Variants in RIPPLY3 observed in about 807,000 individuals in gnomAD.
RIPPLY3 encodes ripply transcriptional repressor 3, also known as protein ripply3.
In RIPPLY3, 8 loss-of-function variants were observed where a neutral mutation model predicts 11.9. The observed-to-expected ratio is 0.67, with a 90% confidence interval of 0.40 to 1.21. The LOEUF (loss-of-function observed/expected upper bound fraction) is 1.21. Ranked by LOEUF, RIPPLY3 falls within the 50% of genes most tolerant of loss-of-function variation. The probability of loss-of-function intolerance (pLI) is 0.01; values close to 1 mark genes in which losing one functional copy is unlikely to be tolerated. For missense variants in RIPPLY3, 271 were observed against 246.0 expected, an observed-to-expected ratio of 1.10 and a Z score of -0.68; for synonymous variants, 102 against 99.0, an observed-to-expected ratio of 1.03 and a Z score of -0.18.
At position 37,015,110 on chromosome 21, in the gene RIPPLY3, G is replaced by A. The variant is rs547869842; in HGVS notation, c.239+1492G>A. ...GCCTGGGTGGTTCTCCCAGGCACTC[G>A]GATTCGCTTGCTCTAGGGAAAGACC... On this transcript the variant is annotated intron_variant, in intron 3 of 3. Coordinates refer to ENST00000329553, the MANE Select transcript of RIPPLY3 (RefSeq NM_018962.3). Among the ~76,000 whole-genome samples the A allele has an allele frequency of 5.3e-5, 8 of 152,220 alleles. No homozygotes were observed. The East Asian group carries it at 1.2e-3, about 22-fold the overall frequency.
chr21:37,018,427 G>T lies in RIPPLY3; in HGVS notation c.*220G>T, dbSNP rs1292124047. 3 of 565,662 alleles carry T rather than the reference G, an allele frequency of 5.3e-6. No individual in the cohort carries two copies. The highest frequency in any genetic ancestry group is 9.5e-6 in the Non-Finnish European group (3 of 316,910). The allele number at this position is 565,662 out of a possible 1,614,324, so 35.0% of individuals were successfully genotyped here. A position where few individuals can be genotyped will look rare whatever the true frequency, so the allele number is the denominator to read the frequency against. On this transcript the variant is annotated 3_prime_UTR_variant, in exon 4 of 4. Transcript: ENST00000329553. ...GCACTCATGCATGCCTTTGAGAAAG[G>T]ATTCTAGGAGAAAGAGAAGGTCTAT...
chr21:37,016,276 A>G (rs1160161031), intron 3 of RIPPLY3, among the ~76,000 whole-genome samples: 1 of 152,140 alleles, frequency 6.6e-6, no homozygotes, highest in Non-Finnish European at 1.5e-5. Flanking sequence ...ACTAAATGTC[A>G]GTAGCTTACC....
chr21:37,016,878 G>A (rs184229467), intron 3 of RIPPLY3, among the ~76,000 whole-genome samples: 9 of 152,000 alleles, frequency 5.9e-5, no homozygotes, highest in East Asian at 1.9e-4. Context: ...GATTATGGCC[G>A]GGAGTGGTGG....
chr21:37,016,462 C>T, intron 3 of RIPPLY3, among the ~76,000 whole-genome samples: 1 of 152,174 alleles, frequency 6.6e-6, no homozygotes, highest in Non-Finnish European at 1.5e-5. Flanking sequence ...TTGAAATCAG[C>T]TTTGCAAATA....
chr21:37,013,276 T>C (rs992194760), intron 2 of RIPPLY3, among the ~76,000 whole-genome samples: 22 of 152,230 alleles, frequency 1.4e-4, no homozygotes, highest in Admixed American at 5.2e-4. Context: ...GTTATTAGCA[T>C]ACATGTGCGT....
intron 2 of RIPPLY3, 65 bp from the exon 3 acceptor site, chr21:37,013,486 C>A: frequency 1.4e-6 from 2 of 1,420,910 alleles, no homozygotes; most frequent in Non-Finnish European, 2.0e-6. Flanking sequence ...TGGTTTAAAA[C>A]CTCAGGATGT....
Position 37,017,960 on chromosome 21 carries a change from T to A in RIPPLY3, c.326T>A (p.Ile109Asn), listed in dbSNP as rs758860505. The A allele has an allele frequency of 8.7e-6, 14 of 1,614,052 alleles. No individual in the cohort carries two copies. The highest frequency in any genetic ancestry group is 1.2e-5 in the Non-Finnish European group (14 of 1,180,040). Residue 109 changes from isoleucine (I) to asparagine (N), a missense_variant, in exon 4 of 4, where the codon ATT (isoleucine) becomes AAT (asparagine). Transcript: ENST00000329553. ...VLASFPVQAT[I>N]DFYDDESTES... ...GCCAGTTTCCCAGTGCAAGCCACGA[T>A]TGACTTCTACGACGATGAGTCTACT... is the stretch of plus-strand genomic sequence containing the variant.
Position 37,017,993 on chromosome 21 carries a change from C to G in RIPPLY3, c.359C>G (p.Ala120Gly). The change falls in exon 4 of 4, where the codon GCT (alanine) becomes GGT (glycine). Residue 120 changes from alanine (A) to glycine (G), a missense_variant. Transcript: ENST00000329553. ...TACGACGATGAGTCTACTGAGTCTG[C>G]TTCCGAAGCTGAAGAGCCAGAGGAA... Reference protein sequence around the residue: ...DFYDDESTESASEAEEPEEGP... With the variant: ...DFYDDESTESGSEAEEPEEGP... 6.2e-7 allele frequency: 1 copy of G among 1,614,164 alleles called. No individual in the cohort carries two copies. The highest frequency in any genetic ancestry group is 8.5e-7 in the Non-Finnish European group (1 of 1,180,022).
rs1350746685 is a variant in RIPPLY3, at chr21:37,018,242, C to A, written c.*35C>A. On this transcript the variant is annotated 3_prime_UTR_variant, in exon 4 of 4. Coordinates refer to ENST00000329553, the MANE Select transcript of RIPPLY3 (RefSeq NM_018962.3). ...TGTCTCCTGGGCCCTGCTCTGGGAC[C>A]TGCCCCTCACGTTCTCTTGGGGACA... 6.4e-7 allele frequency: 1 copy of A among 1,560,338 alleles called. No individual in the cohort carries two copies. The highest frequency in any genetic ancestry group is 1.4e-5 in the African/African-American group (1 of 74,060).
chr21:37,015,911 G>A (rs2069573679), intron 3 of RIPPLY3, among the ~76,000 whole-genome samples: 1 of 128,548 alleles, frequency 7.8e-6, no homozygotes, highest in African/African-American at 2.9e-5. Context: ...ATGGGGTTTT[G>A]CCATGTTGCT....
At chr21:37,016,958 C>T (rs2069585128) in intron 3 of RIPPLY3, among the ~76,000 whole-genome samples, 1 of 152,048 alleles carries the variant, frequency 6.6e-6, no homozygotes, top group Non-Finnish European at 1.5e-5. Flanking sequence ...GAGTTCGAGA[C>T]CAGCCTGACC....
At chr21:37,011,245 G>A (rs2146774787) in intron 2 of RIPPLY3, among the ~76,000 whole-genome samples, 1 of 152,336 alleles carries the variant, frequency 6.6e-6, no homozygotes, top group East Asian at 1.9e-4. Context: ...CTCAGATCGT[G>A]ATGCTCCTGC....
At chr21:37,008,659 G>A (rs553775829) in intron 2 of RIPPLY3, among the ~76,000 whole-genome samples, 2 of 150,998 alleles carry the variant, frequency 1.3e-5, no homozygotes, top group Non-Finnish European at 2.9e-5. Context: ...TTAGGAGGCC[G>A]AGGCAGGAGA....
Position 37,006,987 on chromosome 21 carries a change from G to A in RIPPLY3, c.104+111G>A, listed in dbSNP as rs865938082. On this transcript the variant is annotated intron_variant, in intron 1 of 3. Coordinates refer to ENST00000329553, the MANE Select transcript of RIPPLY3 (RefSeq NM_018962.3). This position sits in a 1 kb window ranked among gnomAD's most constrained non-coding sequence, Gnocchi z 5.2. ...CGCTGCTGAACCCCCGATCCCCAGC[G>A]GAGCTCCGGAGCTCGACGGCGACGC... The A allele has an allele frequency of 1.7e-6, 1 of 595,216 alleles. No individual in the cohort carries two copies. The highest frequency in any genetic ancestry group is 2.4e-6 in the Non-Finnish European group (1 of 417,320). 36.9% of individuals were successfully genotyped at this position (595,216 alleles called of 1,614,324 possible).
chr21:37,011,670 T>C (rs571251079), intron 2 of RIPPLY3, among the ~76,000 whole-genome samples: 1 of 152,272 alleles, frequency 6.6e-6, no homozygotes, highest in South Asian at 2.1e-4. Flanking sequence ...CAGTGAATTA[T>C]GAAAATATGG....
Position 37,017,858 on chromosome 21 carries a change from G to A in RIPPLY3, c.240-16G>A, listed in dbSNP as rs148825182. ...GTTCAGGTTGATTAATGGTATATTTGTTTCTTAAATATTAGAGTCTATTTA... is the reference window on the plus strand; with the variant it reads ...GTTCAGGTTGATTAATGGTATATTTATTTCTTAAATATTAGAGTCTATTTA... On this transcript the variant is annotated splice_polypyrimidine_tract_variant and intron_variant, in intron 3 of 3. Transcript: ENST00000329553. The A allele has an allele frequency of 1.3e-6, 2 of 1,587,024 alleles. No homozygotes were observed. The highest frequency in any genetic ancestry group is 1.7e-6 in the Non-Finnish European group (2 of 1,165,422).
intron 1 of RIPPLY3, among the ~76,000 whole-genome samples, chr21:37,007,556 C>T (rs1409974585): frequency 6.6e-6 from 1 of 151,802 alleles, no homozygotes; most frequent in Non-Finnish European, 1.5e-5. Flanking sequence ...TTACACGCGC[C>T]TGCCACCACG....
At chr21:37,014,202 C>T (rs1046648589) in intron 3 of RIPPLY3, among the ~76,000 whole-genome samples, 3 of 152,052 alleles carry the variant, frequency 2.0e-5, no homozygotes, top group East Asian at 1.9e-4. Flanking sequence ...CCTGTAATCC[C>T]GGCTACTTGG....
At chr21:37,006,645 G>T (rs1352432414), upstream of RIPPLY3, 4 of 497,044 alleles carry the variant, frequency 8.0e-6, no homozygotes, top group African/African-American at 8.1e-5. This position sits in a 1 kb window ranked among gnomAD's most constrained non-coding sequence, Gnocchi z 5.2. Context: ...CCCTCCCAGC[G>T]CTTGCCCGCG....
Sources: gnomAD v4.1 joint callset for allele counts (sites outside exome capture counted in the v4.1 genomes callset) on GRCh38, gnomAD v4.1.1 for gene constraint, Gnocchi (gnomAD v3.1) non-coding constraint, MANE v1.5 for transcripts, NCBI Gene and HGNC (gene_info 2026-07-23, HGNC 2026-07-21) for gene names.